Variants in DPP10 observed in about 807,000 individuals in gnomAD.
DPP10 encodes the protein dipeptidyl peptidase like 10, also known as inactive dipeptidyl peptidase 10.
A neutral mutation model predicts 120.9 loss-of-function variants in DPP10; 33 were observed. The ratio of observed to expected loss-of-function variants is 0.27; its 90% confidence interval spans 0.21 to 0.37. DPP10 has a LOEUF of 0.37. Among genes scored for constraint, DPP10 ranks in the 10% least tolerant of loss-of-function variants. The pLI, the probability that DPP10 is intolerant of heterozygous loss-of-function variation, is 1.00. For synonymous variants in DPP10, 337 were observed against 326.1 expected (o/e 1.03, Z -0.36); for missense variants, 816 against 942.8 (o/e 0.87, Z 1.76).
rs141157865 is a variant in DPP10 at position 115,249,577 on chromosome 2, T to C, written c.61-59662T>C. 4.2e-3 allele frequency among the ~76,000 whole-genome samples: 647 copies of C among 152,246 alleles called. 1 individual carries two copies. The highest frequency in any genetic ancestry group is 0.013 in the African/African-American group (550 of 41,554). Reference sequence around the variant, plus strand: ...GTGGGTTTTATCTGAAATAATTTCATTGGGTAACTTTAAAACAACTTGTTA... The same window carrying C: ...GTGGGTTTTATCTGAAATAATTTCACTGGGTAACTTTAAAACAACTTGTTA... On this transcript the variant is annotated intron_variant, in intron 1 of 25. Transcript: ENST00000410059.
At chr2:115,549,595 A>G (rs2079747720) in intron 5 of DPP10, among the ~76,000 whole-genome samples, 1 of 152,050 alleles carries the variant, frequency 6.6e-6, no homozygotes, top group African/African-American at 2.4e-5. Context: ...TAGAATCTCT[A>G]TCTTTATTCA....
intron 1 of DPP10, among the ~76,000 whole-genome samples, chr2:114,705,739 C>T (rs186557413): frequency 1.5e-3 from 226 of 152,176 alleles, no homozygotes; most frequent in African/African-American, 5.0e-3. Flanking sequence ...AGTATACCAG[C>T]TAGGATGCTA....
intron 1 of DPP10, among the ~76,000 whole-genome samples, chr2:115,005,070 G>A (rs1010917688): frequency 6.6e-5 from 10 of 151,982 alleles, no homozygotes; most frequent in Admixed American, 1.3e-4. Context: ...CCTGACCCCC[G>A]AGAAGCCTAA....
At chr2:115,705,522 G>A (rs899685068) in intron 7 of DPP10, among the ~76,000 whole-genome samples, 1 of 151,890 alleles carries the variant, frequency 6.6e-6, no homozygotes, top group Non-Finnish European at 1.5e-5. Context: ...AACAAGGCCA[G>A]CAATTGACGA....
At chr2:114,739,038 C>T (rs1441827654) in intron 1 of DPP10, among the ~76,000 whole-genome samples, 1 of 152,152 alleles carries the variant, frequency 6.6e-6, no homozygotes. Context: ...TTACTCTGCC[C>T]ATTTCCTAGT....
At chr2:114,783,897 G>GA (rs1682546721) in intron 1 of DPP10, among the ~76,000 whole-genome samples, 1 of 151,940 alleles carries the variant, frequency 6.6e-6, no homozygotes, top group Non-Finnish European at 1.5e-5. Context: ...CTGCTGTAGT[G>GA]ATCAGTTTTT....
At chr2:114,841,160 C>T (rs1688126437) in intron 1 of DPP10, among the ~76,000 whole-genome samples, 1 of 152,110 alleles carries the variant, frequency 6.6e-6, no homozygotes, top group South Asian at 2.1e-4. Flanking sequence ...GATAGTTGCA[C>T]ACCAAAAAGG....
intron 1 of DPP10, among the ~76,000 whole-genome samples, chr2:114,455,156 T>TTGTGTGTGTGTG (rs141717813): frequency 3.9e-4 from 57 of 147,486 alleles, no homozygotes; most frequent in African/African-American, 1.4e-3. Flanking sequence ...TTTCTTTCTA[T>TTGTGTGTGTGTG]TGTGTGTGTG....
chr2:115,693,944 C>T (rs1172147434), intron 7 of DPP10, among the ~76,000 whole-genome samples: 5 of 152,034 alleles, frequency 3.3e-5, no homozygotes, highest in Non-Finnish European at 7.4e-5. Context: ...TGTAGGTATT[C>T]ACTTTTACTA....
intron 2 of DPP10, among the ~76,000 whole-genome samples, chr2:115,318,960 A>T (rs866897812): frequency 6.6e-6 from 1 of 152,158 alleles, no homozygotes; most frequent in Non-Finnish European, 1.5e-5. Context: ...CTGGATAACA[A>T]TGGTAAAAGT....
At chr2:115,448,427 T>C (rs553599192) in intron 3 of DPP10, among the ~76,000 whole-genome samples, 2 of 152,308 alleles carry the variant, frequency 1.3e-5, no homozygotes, top group South Asian at 4.1e-4. Flanking sequence ...AGGTAGAACA[T>C]GTACCCTTGA....
At chr2:115,817,944 G>A (rs1215944787) in intron 21 of DPP10, among the ~76,000 whole-genome samples, 1 of 152,036 alleles carries the variant, frequency 6.6e-6, no homozygotes, top group Non-Finnish European at 1.5e-5. Flanking sequence ...GAGGAAAAAG[G>A]GAAGCTGGTT....
chr2:115,105,422 T>TGAGAGAGA (rs10565038), intron 1 of DPP10, among the ~76,000 whole-genome samples: 2,391 of 146,182 alleles, frequency 0.016, 33 homozygotes, highest in Non-Finnish European at 0.024. Flanking sequence ...TGTCACATGG[T>TGAGAGAGA]GAGAGAGAGA....
At chr2:114,605,032 G>T (rs920990126) in intron 1 of DPP10, among the ~76,000 whole-genome samples, 1 of 152,032 alleles carries the variant, frequency 6.6e-6, no homozygotes, top group African/African-American at 2.4e-5. Flanking sequence ...GTAATTTCAT[G>T]GAAAGAATAA....
chr2:114,898,756 G>C (rs1693280688), intron 1 of DPP10, among the ~76,000 whole-genome samples: 1 of 152,174 alleles, frequency 6.6e-6, no homozygotes, highest in South Asian at 2.1e-4. Context: ...AGCTCTCAAA[G>C]ATATCGTGTT....
rs57533300 is a variant in DPP10 at position 115,471,778 on chromosome 2, T to TTTGTTGTTGTTG, written c.272-27720_272-27709dup. Reference sequence around the variant, plus strand: ...GTCTTTTTTTGTTTGTCTGTTTTTGTTTGTTGTTGTTGTTGTTGTTGTTTA... The same window carrying TTTGTTGTTGTTG: ...GTCTTTTTTTGTTTGTCTGTTTTTGTTTGTTGTTGTTGTTGTTGTTGTTGTTGTTGTTGTTTA... On this transcript the variant is annotated intron_variant, in intron 3 of 25. Transcript: ENST00000410059. 1.3e-3 allele frequency among the ~76,000 whole-genome samples: 193 copies of TTTGTTGTTGTTG among 149,734 alleles called. 1 individual carries two copies. Among genetic ancestry groups the TTTGTTGTTGTTG allele is most frequent in the South Asian group, 1.5e-3 (7 of 4,652 alleles).
At chr2:114,881,165 A>G (rs1691571360) in intron 1 of DPP10, among the ~76,000 whole-genome samples, 1 of 152,178 alleles carries the variant, frequency 6.6e-6, no homozygotes, top group Non-Finnish European at 1.5e-5. Context: ...ATTAAACCAG[A>G]AGTGCCAATG....
chr2:115,271,875 T>C lies in DPP10; in HGVS notation c.61-37364T>C, dbSNP rs569060414. Among the ~76,000 whole-genome samples the C allele has an allele frequency of 9.8e-5, 15 of 152,296 alleles. No homozygotes were observed. In the South Asian group the frequency reaches 3.1e-3, roughly 32 times the overall value. On this transcript the variant is annotated intron_variant, in intron 1 of 25. Transcript: ENST00000410059. ...ACTGAGAAAGATGAAATTGGCACCA[T>C]CTAAAAAAATTTTCATGAGTTCCAT...
chr2:114,882,702 C>A lies in DPP10; in HGVS notation c.61-426537C>A, dbSNP rs10202331. Among the ~76,000 whole-genome samples, 441 of 152,032 alleles carry A rather than the reference C, an allele frequency of 2.9e-3. 1 individual carries two copies. The highest frequency in any genetic ancestry group is 0.01 in the African/African-American group (428 of 41,498). ...TTAAATAAAAAAATATGAATGCAGG[C>A]AGAGATATCTACCTCATAATCTAAT... On this transcript the variant is annotated intron_variant, in intron 1 of 25. Transcript: ENST00000410059.
Sources: allele counts gnomAD v4.1 joint callset (sites outside exome capture counted in the v4.1 genomes callset), GRCh38; gene constraint gnomAD v4.1.1; transcripts MANE v1.5; gene names NCBI Gene and HGNC (gene_info 2026-07-23, HGNC 2026-07-21).